The following NCMAP variants were observed in gnomAD, a reference collection of about 807,000 sequenced individuals.
NCMAP encodes non-compact myelin associated protein, also known as noncompact myelin-associated protein.
Under a neutral mutation model 7.8 loss-of-function variants are expected in NCMAP, and 8 were observed. That is an observed-to-expected ratio of 1.02 (90% CI 0.60 to 1.84). The LOEUF is 1.84. Among genes scored for constraint, NCMAP ranks in the 40% most tolerant of loss-of-function variants. The probability of loss-of-function intolerance (pLI) is 0.00; values close to 1 mark genes in which losing one functional copy is unlikely to be tolerated. For missense variants in NCMAP, 112 were observed against 131.4 expected, an observed-to-expected ratio of 0.85 and a Z score of 0.72; for synonymous variants, 41 against 52.9, an observed-to-expected ratio of 0.78 and a Z score of 0.98.
chr1:24,581,593 C>G (rs1158255135), intron 1 of NCMAP, among the ~76,000 whole-genome samples: 1 of 152,200 alleles, frequency 6.6e-6, no homozygotes, highest in Non-Finnish European at 1.5e-5. Context: ...GGGAGAAGTC[C>G]AAGGCTCTGC....
intron 1 of NCMAP, among the ~76,000 whole-genome samples, chr1:24,560,294 T>C (rs1314425845): frequency 6.6e-6 from 1 of 152,228 alleles, no homozygotes; most frequent in Non-Finnish European, 1.5e-5. Flanking sequence ...CATTGGTTCA[T>C]TCATTTGTTC....
intron 1 of NCMAP, among the ~76,000 whole-genome samples, chr1:24,594,212 C>T (rs558837366): frequency 2.0e-5 from 3 of 152,180 alleles, no homozygotes; most frequent in East Asian, 3.9e-4. Flanking sequence ...ATAATATCAT[C>T]GTGCCTAGAT....
At chr1:24,598,533 T>C (rs1652338551) in intron 2 of NCMAP, among the ~76,000 whole-genome samples, 1 of 152,206 alleles carries the variant, frequency 6.6e-6, no homozygotes, top group African/African-American at 2.4e-5. Context: ...CTCTACATTA[T>C]GCTTGTATGC....
intron 1 of NCMAP, among the ~76,000 whole-genome samples, chr1:24,565,730 T>G (rs556681776): frequency 6.6e-6 from 1 of 152,094 alleles, no homozygotes; most frequent in Non-Finnish European, 1.5e-5. Flanking sequence ...CTTGAGTAGC[T>G]GAGACTACAG....
chr1:24,575,302 T>C (rs962038421), intron 1 of NCMAP, among the ~76,000 whole-genome samples: 2 of 152,032 alleles, frequency 1.3e-5, no homozygotes, highest in Non-Finnish European at 2.9e-5. Context: ...TCCCTCGGGT[T>C]GGAAAAAAAA....
chr1:24,586,903 T>G (rs1162492993), intron 1 of NCMAP, among the ~76,000 whole-genome samples: 1 of 152,204 alleles, frequency 6.6e-6, no homozygotes, highest in African/African-American at 2.4e-5. Context: ...CAGTGAGCTA[T>G]TTCTTTTTAT....
At chr1:24,565,354 A>G (rs773008366) in intron 1 of NCMAP, among the ~76,000 whole-genome samples, 6 of 152,068 alleles carry the variant, frequency 3.9e-5, no homozygotes, top group Non-Finnish European at 7.4e-5. Context: ...ATACACTGTA[A>G]CTGCCCAGAT....
intron 1 of NCMAP, among the ~76,000 whole-genome samples, chr1:24,586,033 G>A (rs936897941): frequency 2.0e-5 from 3 of 152,186 alleles, no homozygotes; most frequent in Non-Finnish European, 4.4e-5. Flanking sequence ...AGAAGGGCTG[G>A]GAACTGGCAT....
chr1:24,577,405 T>TTTTTTTG (rs1557596525), intron 1 of NCMAP, among the ~76,000 whole-genome samples: 1 of 114,298 alleles, frequency 8.7e-6, no homozygotes, highest in African/African-American at 3.7e-5. Context: ...GGCCTTGTTT[T>TTTTTTTG]TTTTTTTTTT....
At chr1:24,585,589 T>G (rs7556089) in intron 1 of NCMAP, among the ~76,000 whole-genome samples, 73,336 of 151,888 alleles carry the variant, frequency 0.48, 17,990 homozygotes, top group Non-Finnish European at 0.53. Flanking sequence ...TGGGCTATTT[T>G]ACAGGCAGGA....
At chr1:24,577,401 GTTTTTTTTT>G (rs71577720) in intron 1 of NCMAP, among the ~76,000 whole-genome samples, 29 of 39,956 alleles carry the variant, frequency 7.3e-4, no homozygotes, top group Non-Finnish European at 1.2e-3. Flanking sequence ...CACTGGCCTT[GTTTTTTTTT>G]TTTTTTTTTT....
Position 24,572,687 on chromosome 1 carries a change from C to A in NCMAP, c.-8+16518C>A, listed in dbSNP as rs532151889. 1.9e-4 allele frequency among the ~76,000 whole-genome samples: 28 copies of A among 150,696 alleles called. No homozygotes were observed. The East Asian group carries it at 3.7e-3, about 20-fold the overall frequency. On this transcript the variant is annotated intron_variant, in intron 1 of 3. Coordinates refer to ENST00000374392, the MANE Select transcript of NCMAP (RefSeq NM_001010980.5). ...TGGAGAGCTCAGCACCCCAGCACAC[C>A]CACCACATCCTTCCCCAAACCTCGT...
chr1:24,561,107 C>T (rs932309265), intron 1 of NCMAP, among the ~76,000 whole-genome samples: 8 of 144,370 alleles, frequency 5.5e-5, no homozygotes, highest in Admixed American at 7.3e-5. Context: ...CCGAGGAGGG[C>T]GGATCACCTG....
intron 1 of NCMAP, among the ~76,000 whole-genome samples, chr1:24,594,686 T>C (rs1371570780): frequency 6.6e-6 from 1 of 152,190 alleles, no homozygotes; most frequent in Non-Finnish European, 1.5e-5. Flanking sequence ...CATGAAATTG[T>C]TCCTCATAGC....
intron 1 of NCMAP, among the ~76,000 whole-genome samples, chr1:24,562,149 A>G (rs1366468472): frequency 1.3e-5 from 2 of 152,108 alleles, no homozygotes; most frequent in African/African-American, 4.8e-5. Context: ...TGCCCAGAGG[A>G]TGAAAAGCAA....
At chr1:24,598,696 C>T (rs1185925358) in intron 2 of NCMAP, among the ~76,000 whole-genome samples, 1 of 151,340 alleles carries the variant, frequency 6.6e-6, no homozygotes, top group Non-Finnish European at 1.5e-5. Flanking sequence ...GTGGTGCCAT[C>T]TCGGCTCACT....
At chr1:24,572,541 G>C (rs899122331) in intron 1 of NCMAP, among the ~76,000 whole-genome samples, 2 of 150,408 alleles carry the variant, frequency 1.3e-5, no homozygotes, top group East Asian at 3.9e-4. Flanking sequence ...CAAGCTCCCC[G>C]TGCCAGGGCC....
chr1:24,592,221 T>G (rs1324401837), intron 1 of NCMAP, among the ~76,000 whole-genome samples: 1 of 152,164 alleles, frequency 6.6e-6, no homozygotes, highest in East Asian at 1.9e-4. Context: ...GTGAAGGGCT[T>G]TCACTACTGG....
intron 1 of NCMAP, among the ~76,000 whole-genome samples, chr1:24,592,776 G>A (rs1339954851): frequency 6.6e-6 from 1 of 152,058 alleles, no homozygotes; most frequent in Non-Finnish European, 1.5e-5. Context: ...AAAATTAGCC[G>A]GGAGTGGTGG....
Sources: allele counts gnomAD v4.1 joint callset (sites outside exome capture counted in the v4.1 genomes callset), GRCh38; gene constraint gnomAD v4.1.1; transcripts MANE v1.5; gene names NCBI Gene and HGNC (gene_info 2026-07-23, HGNC 2026-07-21).